The following MTMR3 variants were observed in gnomAD, a reference collection of about 807,000 sequenced individuals.
MTMR3 encodes phosphatidylinositol-3,5-bisphosphate 3-phosphatase MTMR3.
MTMR3 carries 32 observed loss-of-function variants against 132.4 expected under a neutral mutation model. The ratio of observed to expected loss-of-function variants is 0.24; its 90% confidence interval spans 0.18 to 0.32. MTMR3 has a LOEUF of 0.32. MTMR3 is among the 10% of genes least tolerant of loss of function. The pLI is 1.00. For missense variants in MTMR3, 1,216 were observed against 1,489.6 expected (o/e 0.82, Z 3.02); for synonymous variants, 556 against 550.3 (o/e 1.01, Z -0.14).
intron 5 of MTMR3, chr22:29,980,926 C>T (rs1369268783): frequency 6.6e-6 from 1 of 152,222 alleles, no homozygotes; most frequent in African/African-American, 2.4e-5. Context: ...CCTCCTTTCC[C>T]CATTATCACA....
intron 2 of MTMR3, 138 bp from the exon 3 acceptor site, chr22:29,970,838 G>A: frequency 2.4e-6 from 1 of 411,406 alleles, no homozygotes; most frequent in East Asian, 3.5e-5. Context: ...TTTCTTGGCT[G>A]ACTCTGATCA....
intron 19 of MTMR3, chr22:30,024,949 T>G (rs1221333920): frequency 6.6e-6 from 1 of 152,506 alleles, no homozygotes; most frequent in Admixed American, 6.5e-5. Context: ...TGGAGATGCA[T>G]GGGTCGGGGA....
rs1482049692 is a variant in MTMR3, at chr22:30,025,640, A to G, written c.3436A>G (p.Asn1146Asp). ...SRKHHCRNCGNVFCSSCCNQK... is the reference protein window; with the variant it reads ...SRKHHCRNCGDVFCSSCCNQK... ...TCTTCTCATCTCAAGGAATTGTGGG[A>G]ACGTATTCTGCTCCAGTTGTTGTAA... Residue 1146 changes from asparagine to aspartate, a missense_variant, in exon 20 of 20, where the codon AAC becomes GAC. By Grantham distance (23) the Asn-to-Asp change is conservative (BLOSUM62 1). Coordinates refer to ENST00000401950, the MANE Select transcript of MTMR3 (RefSeq NM_021090.4). 1 of 1,614,180 alleles carries G rather than the reference A, an allele frequency of 6.2e-7. No individual in the cohort carries two copies. Among genetic ancestry groups the G allele is most frequent in the South Asian group, 1.1e-5 (1 of 91,086 alleles).
intron 11 of MTMR3, 149 bp downstream of exon 11, chr22:30,008,181 C>A: frequency 1.0e-6 from 1 of 979,844 alleles, no homozygotes; most frequent in Non-Finnish European, 1.5e-6. Context: ...TCTTTGGATT[C>A]TTAACACTGT....
At position 29,893,868 on chromosome 22, in the gene MTMR3, C is replaced by T. The variant is rs573467272; in HGVS notation, c.-138+10509C>T. ...TTATTTTATTTTTTATTTTTTAAGACGGAGTCTCACTCTGTCACCCAGGCT... is the reference window on the plus strand; with the variant it reads ...TTATTTTATTTTTTATTTTTTAAGATGGAGTCTCACTCTGTCACCCAGGCT... On this transcript the variant is annotated intron_variant, in intron 1 of 19. Transcript: ENST00000401950. Among the ~76,000 whole-genome samples, 414 of 151,924 alleles carry T rather than the reference C, an allele frequency of 2.7e-3. 3 individuals are homozygous for T. Among genetic ancestry groups the T allele is most frequent in the African/African-American group, 9.5e-3 (395 of 41,436 alleles).
chr22:29,965,373 A>G (rs2066393985), intron 2 of MTMR3, among the ~76,000 whole-genome samples: 2 of 152,154 alleles, frequency 1.3e-5, no homozygotes, highest in African/African-American at 4.8e-5. Flanking sequence ...CGAGTGGCAA[A>G]TCTTTGTCTT....
In MTMR3 at chr22:30,023,478, A is replaced by G. The variant is rs763993802; in HGVS notation, c.3425+781A>G. 4 of 1,614,042 alleles carry G rather than the reference A, an allele frequency of 2.5e-6. No individual in the cohort carries two copies. In the East Asian group the frequency reaches 6.7e-5, roughly 27 times the overall value. On this transcript the variant is annotated intron_variant, in intron 19 of 19. Transcript: ENST00000401950. ...GCAGGGACACTGACCGTGTTGATCAAACGTGGTGAGCATTTGCAACAACCT... is the reference window on the plus strand; with the variant it reads ...GCAGGGACACTGACCGTGTTGATCAGACGTGGTGAGCATTTGCAACAACCT...
intron 6 of MTMR3, chr22:29,990,554 G>A (rs1016255062): frequency 6.6e-6 from 1 of 152,126 alleles, no homozygotes; most frequent in Admixed American, 6.6e-5. Context: ...ATTCAAAAAG[G>A]CCAAATATTT....
At chr22:29,981,029 C>T (rs1267145289) in intron 5 of MTMR3, 1 of 152,232 alleles carries the variant, frequency 6.6e-6, no homozygotes, top group African/African-American at 2.4e-5. Flanking sequence ...GTTCATCTGT[C>T]AAAATTCAGT....
intron 2 of MTMR3, among the ~76,000 whole-genome samples, chr22:29,967,243 G>A (rs900242323): frequency 5.5e-4 from 83 of 149,756 alleles, no homozygotes; most frequent in Non-Finnish European, 8.3e-4. Flanking sequence ...GCATGCGCGC[G>A]CGCGCGCATG....
At chr22:29,966,912 C>T (rs2066432541) in intron 2 of MTMR3, among the ~76,000 whole-genome samples, 1 of 151,946 alleles carries the variant, frequency 6.6e-6, no homozygotes, top group Non-Finnish European at 1.5e-5. Flanking sequence ...AATTGACTCC[C>T]AATTATTTCT....
intron 1 of MTMR3, among the ~76,000 whole-genome samples, chr22:29,903,270 T>C (rs548251948): frequency 6.6e-6 from 1 of 152,198 alleles, no homozygotes; most frequent in African/African-American, 2.4e-5. Context: ...TGCAGGCCAT[T>C]TTTGCAAGTT....
intron 1 of MTMR3, among the ~76,000 whole-genome samples, chr22:29,890,479 C>T (rs1331149580): frequency 6.6e-6 from 1 of 151,886 alleles, no homozygotes; most frequent in Non-Finnish European, 1.5e-5. Context: ...GATTAAGCTG[C>T]TGCACTCTAG....
intron 7 of MTMR3, chr22:29,995,200 A>G (rs1270911455): frequency 2.0e-5 from 3 of 152,268 alleles, no homozygotes; most frequent in Non-Finnish European, 4.4e-5. Context: ...CTGCCTATTT[A>G]TCTGTCTTCC....
intron 1 of MTMR3, among the ~76,000 whole-genome samples, chr22:29,923,339 T>G (rs980137946): frequency 2.0e-5 from 3 of 151,974 alleles, no homozygotes; most frequent in Non-Finnish European, 2.9e-5. Flanking sequence ...CTCAAAGTGC[T>G]GGGATTACAG....
chr22:29,970,776 A>G (rs1027102915), intron 2 of MTMR3, among the ~76,000 whole-genome samples, 200 bp from the exon 3 acceptor site: 16 of 151,964 alleles, frequency 1.1e-4, no homozygotes, highest in African/African-American at 3.9e-4. Flanking sequence ...TTACAAAGGA[A>G]CTGTCAAATT....
intron 1 of MTMR3, among the ~76,000 whole-genome samples, chr22:29,910,697 C>T (rs1400064028): frequency 6.7e-6 from 1 of 149,814 alleles, no homozygotes. Flanking sequence ...ATTAAATTGA[C>T]TTTTATGCCT....
At chr22:29,971,114 G>T in intron 3 of MTMR3, 52 bp downstream of exon 3, 1 of 1,552,336 alleles carries the variant, frequency 6.4e-7, no homozygotes, top group Admixed American at 2.1e-5. Flanking sequence ...CCTGTGTCCT[G>T]ACAATTAAGT....
chr22:29,987,680 T>C (rs2066885113), intron 5 of MTMR3: 1 of 152,246 alleles, frequency 6.6e-6, no homozygotes, highest in African/African-American at 2.4e-5. Context: ...TCTATCTGTC[T>C]CCCTTCTCTC....
Sources: allele counts gnomAD v4.1 joint callset (sites outside exome capture counted in the v4.1 genomes callset), GRCh38; gene constraint gnomAD v4.1.1; transcripts MANE v1.5; gene names NCBI Gene and HGNC (gene_info 2026-07-23, HGNC 2026-07-21).